Variants in CSTF3 observed in about 807,000 individuals in gnomAD.
The protein encoded by CSTF3 is CF-1 77 kDa subunit.
Under a neutral mutation model 105.8 loss-of-function variants are expected in CSTF3, and 29 were observed. That is an observed-to-expected ratio of 0.27 (90% CI 0.20 to 0.37). CSTF3 has a LOEUF of 0.37. Ranked by LOEUF, CSTF3 falls within the 10% of genes least tolerant of loss-of-function variation. The pLI, the probability that CSTF3 is intolerant of heterozygous loss-of-function variation, is 1.00. For missense variants in CSTF3, 357 were observed against 879.3 expected, an observed-to-expected ratio of 0.41 and a Z score of 7.51; for synonymous variants, 252 against 281.9, an observed-to-expected ratio of 0.89 and a Z score of 1.06.
At chr11:33,096,221 T>C (rs1207456360) in intron 15 of CSTF3, 85 bp downstream of exon 15, 3 of 932,820 alleles carry the variant, frequency 3.2e-6, no homozygotes, top group Non-Finnish European at 4.7e-6. Context: ...AAAATTATAA[T>C]ACATTCAAGA....
At chr11:33,129,242 C>A (rs1044836971) in intron 3 of CSTF3, among the ~76,000 whole-genome samples, 1 of 152,094 alleles carries the variant, frequency 6.6e-6, no homozygotes, top group African/African-American at 2.4e-5. Flanking sequence ...CAGGTGCACA[C>A]CACCACACCT....
At chr11:33,094,018 A>G (rs2133771002) in intron 15 of CSTF3, among the ~76,000 whole-genome samples, 1 of 152,262 alleles carries the variant, frequency 6.6e-6, no homozygotes, top group East Asian at 1.9e-4. Context: ...GGCTATCCAC[A>G]TTTCAAGTGC....
At chr11:33,156,584 T>C in intron 1 of CSTF3, 1 of 397,532 alleles carries the variant, frequency 2.5e-6, no homozygotes, top group South Asian at 1.8e-5. Flanking sequence ...CAGCAATTAA[T>C]TTGCGCTTCT....
Position 33,146,116 on chromosome 11 carries a change from T to C in CSTF3, c.28-4130A>G, listed in dbSNP as rs541687976. On this transcript the variant is annotated intron_variant, in intron 1 of 20. Coordinates refer to ENST00000323959, the MANE Select transcript of CSTF3 (RefSeq NM_001326.3). ...AGCTGGGAGTGGTGGTGCACACCTG[T>C]AGTCCCAGCTACTCGGGAGGCTGAG... 2.6e-5 allele frequency among the ~76,000 whole-genome samples: 4 copies of C among 152,156 alleles called. No individual in the cohort carries two copies. In the South Asian group the frequency reaches 8.3e-4, roughly 32 times the overall value.
chr11:33,092,086 G>T (rs1048502957), intron 16 of CSTF3, among the ~76,000 whole-genome samples, 185 bp downstream of exon 16: 1 of 143,418 alleles, frequency 7.0e-6, no homozygotes, highest in Non-Finnish European at 1.6e-5. Context: ...TCTAATCACT[G>T]TGCAGAAATT....
chr11:33,136,355 TTAAAG>T lies in CSTF3; in HGVS notation c.225+5307_225+5311del, dbSNP rs1476211085. On this transcript the variant is annotated intron_variant, in intron 3 of 20. Transcript: ENST00000323959. Reference sequence around the variant, plus strand: ...TTTAAAGTTTAAAAATTCAGTAAAATTAAAGTAATAAAATTGAAAGTAATAAGTTA... The same window carrying T: ...TTTAAAGTTTAAAAATTCAGTAAAATTAATAAAATTGAAAGTAATAAGTTA... 4 of 152,020 alleles carry T rather than the reference TTAAAG, an allele frequency of 2.6e-5. No homozygotes were observed. The East Asian group carries it at 5.8e-4, about 22-fold the overall frequency. 9.4% of individuals were successfully genotyped at this position (152,020 alleles called of 1,614,324 possible).
At position 33,099,806 on chromosome 11, in the gene CSTF3, C is replaced by T; in HGVS notation, c.827-89G>A. On this transcript the variant is annotated intron_variant, in intron 10 of 20. Coordinates refer to ENST00000323959, the MANE Select transcript of CSTF3 (RefSeq NM_001326.3). The surrounding 1 kb of genome is among the most constrained non-coding windows in gnomAD (Gnocchi z 4.1). ...GTAAATATCATAACCAAATTAGGCT[C>T]CTCAAAAATTAATGATAATTAGAAA... is the stretch of plus-strand genomic sequence containing the variant. The T allele has an allele frequency of 2.7e-6, 2 of 743,300 alleles. No individual in the cohort carries two copies. Among genetic ancestry groups the T allele is most frequent in the Non-Finnish European group, 4.1e-6 (2 of 489,370 alleles). The allele number at this position is 743,300 out of a possible 1,614,324, so 46.0% of individuals were successfully genotyped here.
At chr11:33,104,216 G>C (rs563702839) in intron 8 of CSTF3, among the ~76,000 whole-genome samples, 13 of 152,282 alleles carry the variant, frequency 8.5e-5, no homozygotes, top group Admixed American at 4.6e-4. Context: ...ACCACTCAGT[G>C]AGTACTCCAA....
At chr11:33,094,908 A>T (rs1429948287) in intron 15 of CSTF3, among the ~76,000 whole-genome samples, 1 of 151,640 alleles carries the variant, frequency 6.6e-6, no homozygotes, top group Non-Finnish European at 1.5e-5. Flanking sequence ...TATTATTATT[A>T]TTTTTTTGAG....
chr11:33,106,100 T>A lies in CSTF3; in HGVS notation c.357-36A>T, dbSNP rs1855322996. 23 of 1,550,974 alleles carry A rather than the reference T, an allele frequency of 1.5e-5. No homozygotes were observed. The East Asian group carries it at 5.2e-4, about 35-fold the overall frequency. On this transcript the variant is annotated intron_variant, in intron 5 of 20. Coordinates refer to ENST00000323959, the MANE Select transcript of CSTF3 (RefSeq NM_001326.3). Reference sequence around the variant, plus strand: ...CATGAAAGACGTGGTTTTTAAATTTTTTTGTTATTAAAATTTATCTACAAT... The same window carrying A: ...CATGAAAGACGTGGTTTTTAAATTTATTTGTTATTAAAATTTATCTACAAT...
intron 15 of CSTF3, among the ~76,000 whole-genome samples, chr11:33,094,648 A>G (rs1015876294): frequency 6.6e-6 from 1 of 152,144 alleles, no homozygotes; most frequent in Admixed American, 6.5e-5. Context: ...ATGCCCCACT[A>G]TCTCATTTTT....
chr11:33,139,949 C>T (rs907265473), intron 3 of CSTF3, among the ~76,000 whole-genome samples: 7 of 151,880 alleles, frequency 4.6e-5, no homozygotes, highest in African/African-American at 1.7e-4. Flanking sequence ...GAGAAACAAA[C>T]CCATTGTGTT....
chr11:33,156,671 A>G (rs1360968489), intron 1 of CSTF3: 3 of 453,630 alleles, frequency 6.6e-6, no homozygotes, highest in Non-Finnish European at 1.3e-5. Flanking sequence ...GATAAGTTAT[A>G]CATTATTTAA....
chr11:33,127,239 C>G (rs1362386002), intron 3 of CSTF3, among the ~76,000 whole-genome samples: 1 of 152,118 alleles, frequency 6.6e-6, no homozygotes, highest in Non-Finnish European at 1.5e-5. Flanking sequence ...TAATAATTTT[C>G]TACTAATTAT....
intron 1 of CSTF3, among the ~76,000 whole-genome samples, chr11:33,155,387 A>AG (rs1465905881): frequency 5.9e-4 from 8 of 13,584 alleles, no homozygotes; most frequent in Non-Finnish European, 9.8e-4. Context: ...TAAAAAAATT[A>AG]AAAAAAAAAA....
intron 1 of CSTF3, among the ~76,000 whole-genome samples, chr11:33,151,143 A>G (rs552924525): frequency 1.3e-5 from 2 of 152,114 alleles, no homozygotes; most frequent in South Asian, 4.2e-4. Context: ...GTCTCTAGGG[A>G]TGTGCCCATA....
intron 8 of CSTF3, among the ~76,000 whole-genome samples, chr11:33,104,480 T>C (rs192996606): frequency 3.9e-4 from 59 of 152,250 alleles, no homozygotes; most frequent in Non-Finnish European, 7.1e-4. Flanking sequence ...TTTTGGAAAA[T>C]ACAGTTTTTG....
chr11:33,157,224 G>C (rs1468222913), intron 1 of CSTF3, among the ~76,000 whole-genome samples: 2 of 152,140 alleles, frequency 1.3e-5, no homozygotes, highest in East Asian at 3.9e-4. Flanking sequence ...GCATTGTGGC[G>C]TGTGCTTGTA....
chr11:33,134,158 T>A (rs1192321630), intron 3 of CSTF3, among the ~76,000 whole-genome samples: 1 of 152,222 alleles, frequency 6.6e-6, no homozygotes, highest in African/African-American at 2.4e-5. Context: ...TTCTTTGCAT[T>A]GTTCTTGCAA....
Sources: gnomAD v4.1 joint callset for allele counts (sites outside exome capture counted in the v4.1 genomes callset) on GRCh38, gnomAD v4.1.1 for gene constraint, Gnocchi (gnomAD v3.1) non-coding constraint, MANE v1.5 for transcripts, NCBI Gene and HGNC (gene_info 2026-07-23, HGNC 2026-07-21) for gene names.